The following SGCZ variants were observed in gnomAD, a reference collection of about 807,000 sequenced individuals.
SGCZ encodes sarcoglycan zeta.
In SGCZ, 40 loss-of-function variants were observed where a neutral mutation model predicts 41.3. That is an observed-to-expected ratio of 0.97 (90% CI 0.75 to 1.26). The LOEUF is 1.26. Ranked by LOEUF, SGCZ falls within the 50% of genes most tolerant of loss-of-function variation. SGCZ has a pLI of 0.00. For synonymous variants in SGCZ, 206 were observed against 137.5 expected, an observed-to-expected ratio of 1.50 and a Z score of -3.49; for missense variants, 552 against 369.8, an observed-to-expected ratio of 1.49 and a Z score of -4.04.
In SGCZ at chr8:14,558,826, T is replaced by C. The variant is rs566958039; in HGVS notation, c.40-3900A>G. 1.4e-3 allele frequency among the ~76,000 whole-genome samples: 216 copies of C among 151,964 alleles called. 1 individual carries two copies. Among genetic ancestry groups the C allele is most frequent in the Non-Finnish European group, 2.0e-3 (134 of 67,892 alleles). On this transcript the variant is annotated intron_variant, in intron 1 of 7. Transcript: ENST00000382080. Reference sequence around the variant, plus strand: ...GTTTCATACCAGGAATGCAGTGATATGCAAGTCAATAAAAAATATGATACA... The same window carrying C: ...GTTTCATACCAGGAATGCAGTGATACGCAAGTCAATAAAAAATATGATACA...
chr8:14,169,616 T>G (rs563080206), intron 4 of SGCZ, among the ~76,000 whole-genome samples: 6 of 152,172 alleles, frequency 3.9e-5, no homozygotes, highest in African/African-American at 1.4e-4. Context: ...ACAACACACT[T>G]CCTGTAGCCA....
chr8:14,751,274 GA>G (rs2068840340), intron 1 of SGCZ, among the ~76,000 whole-genome samples: 1 of 152,140 alleles, frequency 6.6e-6, no homozygotes, highest in South Asian at 2.1e-4. Flanking sequence ...TTCTCTACAA[GA>G]AAAGTTGGAA....
At chr8:14,677,165 C>G (rs1808304250) in intron 1 of SGCZ, among the ~76,000 whole-genome samples, 1 of 151,862 alleles carries the variant, frequency 6.6e-6, no homozygotes, top group Non-Finnish European at 1.5e-5. Flanking sequence ...TATATGCCAG[C>G]AATGAGAAAG....
intron 1 of SGCZ, among the ~76,000 whole-genome samples, chr8:14,613,853 A>T (rs1806010273): frequency 6.6e-6 from 1 of 152,188 alleles, no homozygotes; most frequent in Admixed American, 6.5e-5. Flanking sequence ...CACATTATCT[A>T]CATGCTGTCA....
intron 1 of SGCZ, among the ~76,000 whole-genome samples, chr8:15,075,030 C>T (rs1805480897): frequency 6.6e-6 from 1 of 152,164 alleles, no homozygotes; most frequent in African/African-American, 2.4e-5. Context: ...AAGCTTGTCA[C>T]GGAGCATGCC....
At chr8:14,424,331 G>A (rs773143399) in intron 2 of SGCZ, among the ~76,000 whole-genome samples, 4 of 152,010 alleles carry the variant, frequency 2.6e-5, no homozygotes, top group Non-Finnish European at 5.9e-5. Context: ...CAAGTATTAT[G>A]GATTAAAAAA....
chr8:14,377,135 T>G (rs1017866790), intron 2 of SGCZ, among the ~76,000 whole-genome samples: 15 of 152,256 alleles, frequency 9.9e-5, no homozygotes, highest in Non-Finnish European at 1.9e-4. Flanking sequence ...ATTAGAGAGT[T>G]GGAACTTTCT....
At chr8:14,450,141 G>A (rs58344420) in intron 2 of SGCZ, among the ~76,000 whole-genome samples, 2,657 of 152,206 alleles carry the variant, frequency 0.017, 86 homozygotes, top group African/African-American at 0.06. Context: ...AGATGCCATC[G>A]TGAATGTCCC....
intron 1 of SGCZ, among the ~76,000 whole-genome samples, chr8:15,178,639 A>G (rs1800069763): frequency 6.6e-6 from 1 of 152,330 alleles, no homozygotes; most frequent in Middle Eastern, 3.4e-3. Context: ...GGAACACTGT[A>G]CCCATTGATT....
intron 2 of SGCZ, among the ~76,000 whole-genome samples, chr8:14,411,874 G>A (rs568850425): frequency 8.5e-5 from 13 of 152,128 alleles, no homozygotes; most frequent in African/African-American, 2.6e-4. Flanking sequence ...TTGATGGAAC[G>A]GAAGGAGAAT....
intron 1 of SGCZ, among the ~76,000 whole-genome samples, chr8:15,128,264 T>C (rs538412618): frequency 1.3e-3 from 200 of 152,208 alleles, no homozygotes; most frequent in Non-Finnish European, 2.2e-3. Context: ...GGTGATGTCT[T>C]GGTTACTCTA....
intron 2 of SGCZ, among the ~76,000 whole-genome samples, chr8:14,432,256 A>C (rs1156736111): frequency 6.6e-6 from 1 of 152,332 alleles, no homozygotes; most frequent in East Asian, 1.9e-4. Flanking sequence ...ACAATTCGCA[A>C]TTGCAAAAAT....
chr8:15,227,665 G>A (rs954660967), intron 1 of SGCZ, among the ~76,000 whole-genome samples: 26 of 151,870 alleles, frequency 1.7e-4, no homozygotes, highest in African/African-American at 5.3e-4. Flanking sequence ...TTATTCATTC[G>A]TACTGTGACA....
At chr8:14,689,191 G>A (rs1808718967) in intron 1 of SGCZ, among the ~76,000 whole-genome samples, 1 of 151,906 alleles carries the variant, frequency 6.6e-6, no homozygotes, top group South Asian at 2.1e-4. Context: ...AAGGGCTTAT[G>A]CTTTTATACA....
intron 2 of SGCZ, among the ~76,000 whole-genome samples, chr8:14,536,151 T>C: frequency 6.6e-6 from 1 of 151,854 alleles, no homozygotes; most frequent in East Asian, 1.9e-4. Flanking sequence ...GAAAAGTATT[T>C]TGAAGTATAT....
At chr8:14,362,292 T>A (rs146541906) in intron 2 of SGCZ, among the ~76,000 whole-genome samples, 3 of 152,202 alleles carry the variant, frequency 2.0e-5, no homozygotes, top group African/African-American at 7.2e-5. Context: ...AGGTGGAATC[T>A]AGAGAGGCAG....
At chr8:14,686,044 T>G (rs1203721790) in intron 1 of SGCZ, among the ~76,000 whole-genome samples, 1 of 152,124 alleles carries the variant, frequency 6.6e-6, no homozygotes, top group Non-Finnish European at 1.5e-5. Flanking sequence ...ACTAATTACT[T>G]CTAACAAACT....
chr8:14,389,999 G>T (rs1804712431), intron 2 of SGCZ, among the ~76,000 whole-genome samples: 1 of 151,884 alleles, frequency 6.6e-6, no homozygotes, highest in Non-Finnish European at 1.5e-5. Context: ...GGGGTTTACA[G>T]TTATTTTCTT....
At position 14,349,844 on chromosome 8, in the gene SGCZ, A is replaced by T. The variant is rs1015746419; in HGVS notation, c.235-25640T>A. Among the ~76,000 whole-genome samples the T allele has an allele frequency of 2.0e-5, 3 of 152,116 alleles. No homozygotes were observed. The South Asian group carries it at 6.2e-4, about 31-fold the overall frequency. ...AGTAGACATGCCATAAAAAAGTTCT[A>T]TGACCAAATAAGTTAGAAATCATAT... On this transcript the variant is annotated intron_variant, in intron 2 of 7. Transcript: ENST00000382080.
Sources: gnomAD v4.1 joint callset for allele counts (sites outside exome capture counted in the v4.1 genomes callset) on GRCh38, gnomAD v4.1.1 for gene constraint, MANE v1.5 for transcripts, NCBI Gene and HGNC (gene_info 2026-07-23, HGNC 2026-07-21) for gene names.